Variants in CCSER1 observed in about 807,000 individuals in gnomAD.
The protein encoded by CCSER1 is serine-rich coiled-coil domain-containing protein 1.
CCSER1 carries 41 observed loss-of-function variants against 82.0 expected under a neutral mutation model. The ratio of observed to expected loss-of-function variants is 0.50; its 90% CI spans 0.39 to 0.65. CCSER1 has a LOEUF of 0.65. Among genes scored for constraint, CCSER1 ranks in the 30% least tolerant of loss-of-function variants. The pLI is 0.00. For missense variants in CCSER1, 1,119 were observed against 1,064.2 expected, an observed-to-expected ratio of 1.05 and a Z score of -0.72; for synonymous variants, 414 against 383.9, an observed-to-expected ratio of 1.08 and a Z score of -0.92.
chr4:91,234,666 A>C (rs1738867714), intron 10 of CCSER1, among the ~76,000 whole-genome samples: 2 of 152,168 alleles, frequency 1.3e-5, no homozygotes, highest in African/African-American at 4.8e-5. Context: ...ATTTATAGCA[A>C]GAAAATGAAA....
Position 91,549,114 on chromosome 4 carries a change from T to A in CCSER1, c.2218-49458T>A, listed in dbSNP as rs1289658771. ...AGTTCTTATTCTCCTATTCACATGC[T>A]CAGAGATTCTTTTCTTAGCCATGTA... On this transcript the variant is annotated intron_variant, in intron 10 of 10. Coordinates refer to ENST00000509176, the MANE Select transcript of CCSER1 (RefSeq NM_001145065.2). Among the ~76,000 whole-genome samples the A allele has an allele frequency of 2.0e-5, 3 of 152,136 alleles. 1 individual carries two copies. Among genetic ancestry groups the A allele is most frequent in the Non-Finnish European group, 4.4e-5 (3 of 68,020 alleles).
chr4:90,576,535 C>T (rs1780790762), intron 5 of CCSER1, among the ~76,000 whole-genome samples: 1 of 152,084 alleles, frequency 6.6e-6, no homozygotes. Flanking sequence ...TCCCTCCCTC[C>T]ACTCACCCCC....
intron 7 of CCSER1, among the ~76,000 whole-genome samples, chr4:90,771,684 A>G (rs1752199355): frequency 6.6e-6 from 1 of 151,944 alleles, no homozygotes; most frequent in Non-Finnish European, 1.5e-5. Flanking sequence ...GAGGTGGCTT[A>G]ATTTGTAAAT....
intron 10 of CCSER1, among the ~76,000 whole-genome samples, chr4:91,185,156 A>T (rs1172793729): frequency 6.6e-6 from 1 of 152,200 alleles, no homozygotes; most frequent in Non-Finnish European, 1.5e-5. Context: ...TAGGGTGTTT[A>T]TCAGTAATTT....
rs189760057 is a variant in CCSER1 at position 90,328,982 on chromosome 4, G to T, written c.1509+15935G>T. The stretch of plus-strand genomic sequence containing the variant: ...ACAAACACTTTTGTAATATTTTCAT[G>T]CTTTTCCACACTTCTTTGTTTTTTA... On this transcript the variant is annotated intron_variant, in intron 3 of 10. Coordinates refer to ENST00000509176, the MANE Select transcript of CCSER1 (RefSeq NM_001145065.2). Among the ~76,000 whole-genome samples the T allele has an allele frequency of 1.5e-3, 225 of 152,286 alleles. 1 individual carries two copies. Among genetic ancestry groups the T allele is most frequent in the Admixed American group, 5.2e-3 (80 of 15,298 alleles).
At chr4:91,143,254 ATT>A (rs34900415) in intron 10 of CCSER1, among the ~76,000 whole-genome samples, 109 of 145,658 alleles carry the variant, frequency 7.5e-4, no homozygotes, top group Middle Eastern at 3.6e-3. Context: ...TGTGAATTTG[ATT>A]TTTTTTTTTT....
chr4:90,504,061 AT>A (rs1280467671), intron 5 of CCSER1, among the ~76,000 whole-genome samples: 5 of 151,962 alleles, frequency 3.3e-5, no homozygotes, highest in South Asian at 2.1e-4. Context: ...TTTCCTACTG[AT>A]TTTTTATCTT....
chr4:90,706,158 T>G (rs1304620936), intron 6 of CCSER1, among the ~76,000 whole-genome samples: 2 of 152,222 alleles, frequency 1.3e-5, no homozygotes, highest in African/African-American at 2.4e-5. Context: ...CCTCCACAAC[T>G]GTGAGAAATA....
chr4:91,090,644 T>G (rs533222982), intron 10 of CCSER1, among the ~76,000 whole-genome samples: 1 of 152,180 alleles, frequency 6.6e-6, no homozygotes, highest in Non-Finnish European at 1.5e-5. Flanking sequence ...TTCTTGGGCT[T>G]CCCATGGCCA....
intron 10 of CCSER1, among the ~76,000 whole-genome samples, chr4:91,501,787 A>G (rs1299325576): frequency 3.3e-5 from 5 of 152,182 alleles, no homozygotes; most frequent in Non-Finnish European, 7.4e-5. Flanking sequence ...AGAGAACTCA[A>G]TTTGGGCATG....
At position 90,493,348 on chromosome 4, in the gene CCSER1, T is replaced by C. The variant is rs192912268; in HGVS notation, c.1724+24994T>C. Among the ~76,000 whole-genome samples, 252 of 152,202 alleles carry C rather than the reference T, an allele frequency of 1.7e-3. 1 individual carries two copies. The highest frequency in any genetic ancestry group is 2.8e-3 in the Non-Finnish European group (189 of 68,022). On this transcript the variant is annotated intron_variant, in intron 5 of 10. Transcript: ENST00000509176. Reference sequence around the variant, plus strand: ...AAGTTGGAAAACTCTCTGCAGGATATTATACAGGAAAACTTCCCCAGCCTA... The same window carrying C: ...AAGTTGGAAAACTCTCTGCAGGATACTATACAGGAAAACTTCCCCAGCCTA...
At chr4:90,255,134 G>A (rs72877758) in intron 1 of CCSER1, among the ~76,000 whole-genome samples, 6,972 of 151,968 alleles carry the variant, frequency 0.046, 399 homozygotes, top group African/African-American at 0.13. Flanking sequence ...AGCGCTTTTC[G>A]TCAGCAAGTA....
intron 8 of CCSER1, among the ~76,000 whole-genome samples, chr4:90,884,088 C>T (rs982652896): frequency 6.6e-6 from 1 of 151,998 alleles, no homozygotes; most frequent in Non-Finnish European, 1.5e-5. Flanking sequence ...TTTTAAGTAT[C>T]TAAGAGACCT....
At chr4:91,274,956 A>T (rs909815312) in intron 10 of CCSER1, among the ~76,000 whole-genome samples, 6 of 152,138 alleles carry the variant, frequency 3.9e-5, no homozygotes, top group East Asian at 1.9e-4. Flanking sequence ...ATACAAAAAA[A>T]ATAGCTGGGA....
intron 9 of CCSER1, among the ~76,000 whole-genome samples, chr4:90,935,834 A>C (rs11934274): frequency 0.011 from 1,685 of 152,138 alleles, 42 homozygotes; most frequent in African/African-American, 0.038. Context: ...AAAGTGAAAA[A>C]CACAATGTAC....
At chr4:90,229,071 C>T (rs1743874463) in intron 1 of CCSER1, among the ~76,000 whole-genome samples, 1 of 152,180 alleles carries the variant, frequency 6.6e-6, no homozygotes, top group South Asian at 2.1e-4. Context: ...AGGAGAACTT[C>T]CCCAATCTAG....
At chr4:91,397,396 C>G (rs1016645215) in intron 10 of CCSER1, among the ~76,000 whole-genome samples, 1 of 151,986 alleles carries the variant, frequency 6.6e-6, no homozygotes, top group African/African-American at 2.4e-5. Context: ...GACCTTTCAT[C>G]CTTTATTCTT....
Position 90,631,685 on chromosome 4 carries a change from A to G in CCSER1, c.1932+3453A>G, listed in dbSNP as rs150049706. On this transcript the variant is annotated intron_variant, in intron 6 of 10. Coordinates refer to ENST00000509176, the MANE Select transcript of CCSER1 (RefSeq NM_001145065.2). ...TAAAAATAATTCCTTGGAAAGTTCT[A>G]CACAGCAGGCTAAATAAATATACAG... Among the ~76,000 whole-genome samples, 477 of 152,322 alleles carry G rather than the reference A, an allele frequency of 3.1e-3. 3 individuals are homozygous for G. Among genetic ancestry groups the G allele is most frequent in the Non-Finnish European group, 4.8e-3 (327 of 68,028 alleles).
intron 5 of CCSER1, among the ~76,000 whole-genome samples, chr4:90,543,528 T>C (rs1044433334): frequency 2.6e-5 from 4 of 152,174 alleles, no homozygotes; most frequent in African/African-American, 7.2e-5. Flanking sequence ...TTTAATTAAG[T>C]CTGAAGAGAG....
Sources: gnomAD v4.1 joint callset for allele counts (sites outside exome capture counted in the v4.1 genomes callset) on GRCh38, gnomAD v4.1.1 for gene constraint, MANE v1.5 for transcripts, NCBI Gene and HGNC (gene_info 2026-07-23, HGNC 2026-07-21) for gene names.